The following TRIM37 variants were observed in gnomAD, a reference collection of about 807,000 sequenced individuals.
TRIM37 encodes the protein tripartite motif containing 37, also known as E3 ubiquitin-protein ligase TRIM37.
Under a neutral mutation model 129.8 loss-of-function variants are expected in TRIM37, and 80 were observed. That is an observed-to-expected ratio of 0.62 (90% CI 0.51 to 0.74). TRIM37 has a LOEUF of 0.74. TRIM37 is among the 30% of genes least tolerant of loss of function. The pLI, the probability that TRIM37 is intolerant of heterozygous loss-of-function variation, is 0.00. For missense variants in TRIM37, 1,054 were observed against 1,176.5 expected, an observed-to-expected ratio of 0.90 and a Z score of 1.52; for synonymous variants, 389 against 387.1, an observed-to-expected ratio of 1.00 and a Z score of -0.06.
rs1278861992 is a variant in TRIM37, at chr17:58,999,582, G to A, written c.2813-123C>T. On this transcript the variant is annotated intron_variant, in intron 23 of 23. Transcript: ENST00000262294. ...TTATTTAAGTGATAAAGATGTGCTG[G>A]GTTGTGAACAAATCTCTGTCTTCAG... 9 of 800,660 alleles carry A rather than the reference G, an allele frequency of 1.1e-5. No homozygotes were observed. In the East Asian group the frequency reaches 2.2e-4, roughly 20 times the overall value. 49.6% of individuals were successfully genotyped at this position (800,660 alleles called of 1,614,324 possible).
chr17:59,001,555 G>A (rs748809057), intron 23 of TRIM37, 43 bp downstream of exon 23: 7 of 1,612,628 alleles, frequency 4.3e-6, no homozygotes, highest in South Asian at 1.1e-5. Flanking sequence ...AAGCGGCAGC[G>A]GTGGTTTTAG....
intron 22 of TRIM37, among the ~76,000 whole-genome samples, chr17:59,009,153 G>C (rs2034924537): frequency 6.6e-6 from 1 of 152,036 alleles, no homozygotes; most frequent in Non-Finnish European, 1.5e-5. Flanking sequence ...TTGAGACAGA[G>C]TCTCGCTCTG....
the TRIM37 span, among the ~76,000 whole-genome samples, chr17:58,977,170 C>T: frequency 3.9e-5 from 6 of 151,946 alleles, no homozygotes; most frequent in Non-Finnish European, 7.4e-5. Context: ...GAGGGCTGGG[C>T]GCGGTGGCTC....
chr17:59,022,486 T>C (rs985232722), intron 19 of TRIM37, among the ~76,000 whole-genome samples: 1 of 152,244 alleles, frequency 6.6e-6, no homozygotes, highest in Non-Finnish European at 1.5e-5. Context: ...GTGAAGGGCA[T>C]AGGCTCTGAA....
the TRIM37 span, among the ~76,000 whole-genome samples, chr17:58,973,189 G>A: frequency 1.3e-5 from 2 of 152,052 alleles, no homozygotes; most frequent in African/African-American, 2.4e-5. Context: ...AGGCCGAGGC[G>A]GGTGTATCAC....
At chr17:59,052,667 G>A (rs1042039924) in intron 13 of TRIM37, among the ~76,000 whole-genome samples, 1 of 151,292 alleles carries the variant, frequency 6.6e-6, no homozygotes, top group Non-Finnish European at 1.5e-5. Context: ...AAAAAAGAGA[G>A]AGATTGGCCG....
chr17:58,998,618 A>G lies in TRIM37; in HGVS notation c.*759T>C, dbSNP rs191702204. 6.7e-4 allele frequency: 662 copies of G among 985,444 alleles called. 2 individuals are homozygous for G. In the African/African-American group the frequency reaches 0.01, roughly 15 times the overall value. 61.0% of individuals were successfully genotyped at this position (985,444 alleles called of 1,614,324 possible). On this transcript the variant is annotated 3_prime_UTR_variant, in exon 24 of 24. Transcript: ENST00000262294. ...ATAAAGAAGAAAAGGGGGCTTTAAA[A>G]TATTTGTTGCACTACAGTCGTATAG... is the stretch of plus-strand genomic sequence containing the variant.
intron 22 of TRIM37, among the ~76,000 whole-genome samples, chr17:59,008,588 T>C (rs548188595): frequency 2.0e-5 from 3 of 152,284 alleles, no homozygotes; most frequent in Non-Finnish European, 2.9e-5. Context: ...AATTGATAAA[T>C]TGGAGGCTGA....
chr17:59,041,613 T>C (rs1446308350), intron 17 of TRIM37, among the ~76,000 whole-genome samples, 200 bp downstream of exon 17: 2 of 152,232 alleles, frequency 1.3e-5, no homozygotes, highest in Non-Finnish European at 2.9e-5. Context: ...GCCTGGTACA[T>C]AAAACATTTT....
chr17:58,982,766 T>A (rs1567903484), exon 25 of TRIM37: 2 of 614,388 alleles, frequency 3.3e-6, no homozygotes. Context: ...TGACAAATGG[T>A]TGAAAAGGAG....
exon 25 of TRIM37, chr17:58,982,878 CTTG>C: frequency 6.4e-7 from 1 of 1,564,470 alleles, no homozygotes; most frequent in Non-Finnish European, 8.7e-7. Flanking sequence ...AAGCCTAGAT[CTTG>C]TTAACCCATC....
At chr17:58,996,782 GTA>G (rs1457229314), downstream of TRIM37, among the ~76,000 whole-genome samples, 4,205 of 134,034 alleles carry the variant, frequency 0.031, 87 homozygotes, top group Middle Eastern at 0.06. Context: ...AAAAAAAAAA[GTA>G]TATATATATG....
intron 22 of TRIM37, among the ~76,000 whole-genome samples, chr17:59,006,111 C>A (rs796190709): frequency 6.6e-6 from 1 of 151,188 alleles, no homozygotes; most frequent in Admixed American, 6.6e-5. Context: ...TTTCAGAATT[C>A]AAAAAAAACA....
chr17:59,062,877 G>A (rs1456063059), intron 10 of TRIM37, among the ~76,000 whole-genome samples: 1 of 152,020 alleles, frequency 6.6e-6, no homozygotes, highest in African/African-American at 2.4e-5. Flanking sequence ...TTAAGTTTCA[G>A]GGGAAAAAAA....
rs1346275532 is a variant in TRIM37, at chr17:59,062,613, G to A, written c.896C>T (p.Pro299Leu). The change falls in exon 11 of 24, where the codon CCA becomes CTA. Residue 299 changes from proline to leucine, a missense_variant. This residue lies in a region of TRIM37 where 752 missense variants were observed against 870.8 expected (regional missense o/e 0.86). Transcript: ENST00000262294. ...LRQRADPVYS[P>L]PLQVSGLCWR... Reference sequence around the variant, plus strand: ...GCAAAGTCCTGAAACTTGAAGAGGTGGACTGTAAACAGGATCTGCTCTCTG... The same window carrying A: ...GCAAAGTCCTGAAACTTGAAGAGGTAGACTGTAAACAGGATCTGCTCTCTG... The A allele has an allele frequency of 5.0e-6, 8 of 1,613,932 alleles. No individual in the cohort carries two copies. The highest frequency in any genetic ancestry group is 6.8e-6 in the Non-Finnish European group (8 of 1,179,936).
chr17:59,106,297 T>G, intron 1 of TRIM37, 144 bp downstream of exon 1: 1 of 945,886 alleles, frequency 1.1e-6, no homozygotes, highest in Non-Finnish European at 1.7e-6. Flanking sequence ...CACGGCATCC[T>G]TGGTACCGGG....
At chr17:59,064,246 T>C in intron 10 of TRIM37, 109 bp downstream of exon 10, 1 of 842,802 alleles carries the variant, frequency 1.2e-6, no homozygotes. Flanking sequence ...TTCTAAGACT[T>C]CTAAAGTGAG....
At chr17:58,977,856 C>T (rs1395221611), downstream of TRIM37, among the ~76,000 whole-genome samples, 1 of 152,154 alleles carries the variant, frequency 6.6e-6, no homozygotes, top group African/African-American at 2.4e-5. Context: ...AATTCTCCTG[C>T]CTCAGCCTCT....
chr17:59,027,291 A>C (rs1355233976), intron 19 of TRIM37, among the ~76,000 whole-genome samples: 1 of 152,232 alleles, frequency 6.6e-6, no homozygotes, highest in Non-Finnish European at 1.5e-5. Flanking sequence ...TCAATAAATG[A>C]TACCACTGCC....
Sources: gnomAD v4.1 joint callset for allele counts (sites outside exome capture counted in the v4.1 genomes callset) on GRCh38, gnomAD v4.1.1 for gene constraint, gnomAD v4.1.1 regional missense constraint, MANE v1.5 for transcripts, NCBI Gene and HGNC (gene_info 2026-07-23, HGNC 2026-07-21) for gene names.